CLEC16A: variants seen among roughly 807,000 people sequenced by gnomAD.
CLEC16A encodes the protein protein CLEC16A.
A neutral mutation model predicts 109.5 loss-of-function variants in CLEC16A; 51 were observed. The observed-to-expected ratio is 0.47, with a 90% CI of 0.37 to 0.59. The LOEUF (loss-of-function observed/expected upper bound fraction) is 0.59. Among genes scored for constraint, CLEC16A ranks in the 20% least tolerant of loss-of-function variants. The pLI is 0.00. For missense variants in CLEC16A, 1,339 were observed against 1,394.0 expected (o/e 0.96, Z 0.63); for synonymous variants, 673 against 564.2 (o/e 1.19, Z -2.73).
At chr16:10,972,188 C>A (rs2042821891) in intron 5 of CLEC16A, among the ~76,000 whole-genome samples, 1 of 152,182 alleles carries the variant, frequency 6.6e-6, no homozygotes, top group Non-Finnish European at 1.5e-5. Context: ...TGGATTTGCA[C>A]CTTGAAGATG....
At chr16:11,170,258 CAT>C (rs2068449770) in intron 23 of CLEC16A, among the ~76,000 whole-genome samples, 1 of 152,200 alleles carries the variant, frequency 6.6e-6, no homozygotes, top group Non-Finnish European at 1.5e-5. Context: ...GGCCTGCTAA[CAT>C]GTACAACCCC....
At chr16:11,052,527 A>G (rs1035472265) in intron 18 of CLEC16A, among the ~76,000 whole-genome samples, 1 of 152,152 alleles carries the variant, frequency 6.6e-6, no homozygotes, top group Non-Finnish European at 1.5e-5. Flanking sequence ...AGTGGGACCC[A>G]TGTGTCTTGA....
At chr16:11,148,443 C>G (rs975889232) in intron 22 of CLEC16A, among the ~76,000 whole-genome samples, 1 of 152,156 alleles carries the variant, frequency 6.6e-6, no homozygotes, top group Non-Finnish European at 1.5e-5. Flanking sequence ...TGAGCAATTA[C>G]TGCATATCAG....
intron 4 of CLEC16A, among the ~76,000 whole-genome samples, chr16:10,970,078 C>G (rs2042707917): frequency 6.6e-6 from 1 of 152,170 alleles, no homozygotes; most frequent in African/African-American, 2.4e-5. Context: ...ACAATAGGGT[C>G]AATGTATCAC....
chr16:10,947,613 T>C (rs1342269300), intron 1 of CLEC16A, among the ~76,000 whole-genome samples: 1 of 152,012 alleles, frequency 6.6e-6, no homozygotes, highest in African/African-American at 2.4e-5. Context: ...AGGCTGGAAG[T>C]AGGAAGGGGC....
intron 19 of CLEC16A, among the ~76,000 whole-genome samples, chr16:11,110,431 G>GC (rs1292935693): frequency 2.0e-5 from 3 of 152,186 alleles, no homozygotes; most frequent in Non-Finnish European, 4.4e-5. Context: ...TCACTGCAGA[G>GC]CCCGGGGGGC....
chr16:11,132,928 C>G (rs1341792842), intron 22 of CLEC16A, among the ~76,000 whole-genome samples: 1 of 152,178 alleles, frequency 6.6e-6, no homozygotes, highest in Non-Finnish European at 1.5e-5. Context: ...CTGTAAACCC[C>G]TAAGGCCAGG....
chr16:11,169,949 G>T (rs545299578), intron 23 of CLEC16A, among the ~76,000 whole-genome samples: 155 of 152,228 alleles, frequency 1.0e-3, no homozygotes, highest in Admixed American at 4.1e-3. Flanking sequence ...GCCACACTCC[G>T]CCTCACATTG....
chr16:11,156,931 C>A (rs1597592829), intron 22 of CLEC16A: 1 of 231,052 alleles, frequency 4.3e-6, no homozygotes, highest in Non-Finnish European at 8.8e-6. Context: ...CCCCCCCCAC[C>A]CACCCCCTGC....
intron 16 of CLEC16A, among the ~76,000 whole-genome samples, chr16:11,045,461 A>C (rs1406248182): frequency 6.6e-6 from 1 of 152,184 alleles, no homozygotes; most frequent in African/African-American, 2.4e-5. Context: ...GCACCATCTT[A>C]CTGGATGACC....
At chr16:11,052,581 A>AC (rs2048005729) in intron 18 of CLEC16A, among the ~76,000 whole-genome samples, 1 of 152,090 alleles carries the variant, frequency 6.6e-6, no homozygotes, top group Non-Finnish European at 1.5e-5. Flanking sequence ...CACAAGCCTC[A>AC]CCGCAGGACC....
intron 19 of CLEC16A, among the ~76,000 whole-genome samples, chr16:11,069,816 A>G (rs1160762721): frequency 6.6e-6 from 1 of 151,052 alleles, no homozygotes; most frequent in Non-Finnish European, 1.5e-5. Context: ...ACAGTACAGC[A>G]TAACAACTAT....
intron 19 of CLEC16A, among the ~76,000 whole-genome samples, chr16:11,086,603 C>T (rs532792582): frequency 1.3e-5 from 2 of 152,188 alleles, no homozygotes; most frequent in South Asian, 4.2e-4. Context: ...AGTGCAGTGT[C>T]GCTATCTCTG....
chr16:11,170,358 G>A (rs1257936551), intron 23 of CLEC16A, among the ~76,000 whole-genome samples: 3 of 152,212 alleles, frequency 2.0e-5, no homozygotes, highest in African/African-American at 7.2e-5. Flanking sequence ...ACCCCAGGGA[G>A]CCCACGTGGG....
At chr16:11,042,404 G>T in intron 15 of CLEC16A, 41 bp downstream of exon 15, 1 of 1,452,010 alleles carries the variant, frequency 6.9e-7, no homozygotes. Flanking sequence ...GGCCAAGGGA[G>T]AGGGACAGGA....
intron 2 of CLEC16A, 85 bp from the exon 3 acceptor site, chr16:10,962,370 A>G (rs1396964516): frequency 6.5e-7 from 1 of 1,543,598 alleles, no homozygotes; most frequent in East Asian, 2.2e-5. Context: ...TGAATCTAAT[A>G]CTTGTGTTGT....
intron 22 of CLEC16A, among the ~76,000 whole-genome samples, chr16:11,153,266 A>G (rs2054367185): frequency 6.6e-6 from 1 of 152,144 alleles, no homozygotes; most frequent in Non-Finnish European, 1.5e-5. Context: ...AGAAAGGGAA[A>G]TGGTGCCTTT....
chr16:11,110,041 C>G (rs2051479216), intron 19 of CLEC16A, among the ~76,000 whole-genome samples: 1 of 152,140 alleles, frequency 6.6e-6, no homozygotes, highest in African/African-American at 2.4e-5. Context: ...TAAAATACAG[C>G]AAAAGTCAGT....
rs565629822 is a variant in CLEC16A at position 11,002,501 on chromosome 16, T to A, written c.1072-573T>A. Among the ~76,000 whole-genome samples, 21 of 152,246 alleles carry A rather than the reference T, an allele frequency of 1.4e-4. 1 individual carries two copies. Among genetic ancestry groups the A allele is most frequent in the Non-Finnish European group, 1.8e-4 (12 of 68,044 alleles). On this transcript the variant is annotated intron_variant, in intron 10 of 23. Transcript: ENST00000409790. ...AGATTAATTTCTCTTTATTAAAATA[T>A]GTTTTTATTGTCTGTGTTCATGGGG...
Sources: gnomAD v4.1 joint callset for allele counts (sites outside exome capture counted in the v4.1 genomes callset) on GRCh38, gnomAD v4.1.1 for gene constraint, MANE v1.5 for transcripts, NCBI Gene and HGNC (gene_info 2026-07-23, HGNC 2026-07-21) for gene names.